Variants in EDDM13 observed in about 807,000 individuals in gnomAD.
EDDM13 encodes the protein epididymal protein 13.
In EDDM13, 24 loss-of-function variants were observed where a neutral mutation model predicts 17.8. That is an observed-to-expected ratio of 1.35 (90% confidence interval 0.98 to 1.90). EDDM13 has a LOEUF of 1.90. EDDM13 is among the 40% of genes most tolerant of loss of function. The pLI is 0.00. For synonymous variants in EDDM13, 31 were observed against 37.5 expected (o/e 0.83, Z 0.63); for missense variants, 97 against 100.8 (o/e 0.96, Z 0.16).
At chr19:56,279,886 CAA>C (rs2038554761) in intron 2 of EDDM13, among the ~76,000 whole-genome samples, 1 of 151,862 alleles carries the variant, frequency 6.6e-6, no homozygotes, top group African/African-American at 2.4e-5. Flanking sequence ...TTTCAATTAA[CAA>C]AACAGTATTT....
chr19:56,273,092 G>T (rs2037972075), intron 1 of EDDM13, among the ~76,000 whole-genome samples, 173 bp downstream of exon 1: 1 of 152,170 alleles, frequency 6.6e-6, no homozygotes. Context: ...AGTCTAGGTT[G>T]CTAGCCCCTG....
chr19:56,297,060 ACT>A (rs1202843831), intron 11 of EDDM13, among the ~76,000 whole-genome samples: 1 of 140,978 alleles, frequency 7.1e-6, no homozygotes, highest in African/African-American at 2.5e-5. Context: ...CAAGAGCAAA[ACT>A]CTGTCTCAAA....
intron 11 of EDDM13, among the ~76,000 whole-genome samples, chr19:56,296,862 C>T (rs575064094): frequency 2.6e-5 from 4 of 152,134 alleles, no homozygotes; most frequent in African/African-American, 7.2e-5. Flanking sequence ...GGTGAAACTC[C>T]GTCTCTACTA....
At chr19:56,291,330 C>T (rs368112050) in intron 9 of EDDM13, among the ~76,000 whole-genome samples, 3 of 152,146 alleles carry the variant, frequency 2.0e-5, no homozygotes, top group Non-Finnish European at 2.9e-5. Flanking sequence ...TGAATCCCCA[C>T]GGAAACTGAA....
At chr19:56,293,068 T>C (rs1406262121) in intron 9 of EDDM13, among the ~76,000 whole-genome samples, 1 of 152,148 alleles carries the variant, frequency 6.6e-6, no homozygotes, top group African/African-American at 2.4e-5. Flanking sequence ...CACCATCCTG[T>C]CCATGCCCCA....
In EDDM13 at chr19:56,282,562, T is replaced by C. The variant is rs892790413; in HGVS notation, c.118+63T>C. ...GTTTGCCTTTGTCCAAAAGGGATCA[T>C]TGCTGCTGAACTTCGACTTACGTTT... On this transcript the variant is annotated intron_variant, in intron 4 of 14. Coordinates refer to ENST00000649256, the MANE Select transcript of EDDM13 (RefSeq NM_001354658.2). The C allele has an allele frequency of 2.5e-5, 24 of 956,862 alleles. No individual in the cohort carries two copies. The African/African-American group carries it at 3.4e-4, about 13-fold the overall frequency. The allele number at this position is 956,862 out of a possible 1,614,324, so 59.3% of individuals were successfully genotyped here. A position where few individuals can be genotyped will look rare whatever the true frequency, so the allele number is the denominator to read the frequency against.
chr19:56,304,737 C>T, intron 13 of EDDM13, 56 bp from the exon 14 acceptor site: 1 of 976,524 alleles, frequency 1.0e-6, no homozygotes, highest in Non-Finnish European at 1.2e-6. Context: ...AAGGAATTCA[C>T]TCGCCTCACC....
At chr19:56,287,244 T>C (rs1397612795) in intron 6 of EDDM13, among the ~76,000 whole-genome samples, 1 of 152,200 alleles carries the variant, frequency 6.6e-6, no homozygotes. Context: ...GAAGTAGAAC[T>C]CTCCTCCGGG....
chr19:56,297,455 T>C (rs1288746424), intron 11 of EDDM13, 50 bp from the exon 12 acceptor site: 2 of 848,598 alleles, frequency 2.4e-6, no homozygotes, highest in Admixed American at 6.3e-5. Context: ...TCCTTTCCTC[T>C]TCCTCCTTCT....
intron 14 of EDDM13, among the ~76,000 whole-genome samples, chr19:56,309,352 G>A (rs957402900): frequency 6.6e-6 from 1 of 152,196 alleles, no homozygotes; most frequent in Non-Finnish European, 1.5e-5. Flanking sequence ...TTGGGTTGAT[G>A]AAAATGTTCC....
intron 12 of EDDM13, among the ~76,000 whole-genome samples, chr19:56,300,922 C>T (rs980817115): frequency 1.3e-4 from 20 of 152,230 alleles, no homozygotes; most frequent in South Asian, 8.3e-4. Flanking sequence ...GAAAGCGACA[C>T]GGTCGGATCT....
intron 14 of EDDM13, among the ~76,000 whole-genome samples, chr19:56,305,457 T>C (rs924040786): frequency 1.3e-5 from 2 of 152,214 alleles, no homozygotes; most frequent in Non-Finnish European, 2.9e-5. Context: ...GGCATGGACA[T>C]AGCACACTTT....
intron 1 of EDDM13, among the ~76,000 whole-genome samples, chr19:56,275,397 C>T (rs559204773): frequency 1.3e-5 from 2 of 152,146 alleles, no homozygotes; most frequent in East Asian, 3.9e-4. Flanking sequence ...TTTATTTATT[C>T]AAGTACTGTA....
intron 14 of EDDM13, among the ~76,000 whole-genome samples, chr19:56,308,543 C>T (rs1191203057): frequency 6.6e-6 from 1 of 151,998 alleles, no homozygotes; most frequent in African/African-American, 2.4e-5. Flanking sequence ...AGGCTGGTCT[C>T]GAACTCCTGA....
chr19:56,286,399 A>G (rs1389210345), intron 6 of EDDM13: 1 of 152,164 alleles, frequency 6.6e-6, no homozygotes, highest in Non-Finnish European at 1.5e-5. Flanking sequence ...GAACCCCAAC[A>G]GGTGTTCTTG....
intron 12 of EDDM13, among the ~76,000 whole-genome samples, chr19:56,301,650 C>G (rs971602380): frequency 6.6e-6 from 1 of 152,164 alleles, no homozygotes; most frequent in Admixed American, 6.5e-5. Context: ...TACCCAGCCC[C>G]TATTCAAGAC....
chr19:56,301,403 C>T lies in EDDM13; in HGVS notation c.296-565C>T, dbSNP rs34135137. On this transcript the variant is annotated intron_variant, in intron 12 of 14. Coordinates refer to ENST00000649256, the MANE Select transcript of EDDM13 (RefSeq NM_001354658.2). ...TGTGAACTGTCATGGTACTGGTGGG[C>T]GTGTCTCTTAGCCTGCTAATGCATT... 4.3e-3 allele frequency among the ~76,000 whole-genome samples: 647 copies of T among 152,020 alleles called. 2 individuals are homozygous for T. The highest frequency in any genetic ancestry group is 7.1e-3 in the Non-Finnish European group (485 of 67,984).
At chr19:56,302,525 CCTCCCT>C in intron 13 of EDDM13, among the ~76,000 whole-genome samples, 1 of 93,066 alleles carries the variant, frequency 1.1e-5, no homozygotes, top group East Asian at 2.5e-4. Context: ...TTCCTCCCTC[CCTCCCT>C]CTTCTTCCTC....
chr19:56,285,066 T>C, intron 6 of EDDM13, 42 bp downstream of exon 6: 1 of 971,330 alleles, frequency 1.0e-6, no homozygotes, highest in South Asian at 4.8e-5. Flanking sequence ...GTCTTTCTCT[T>C]GTCCGCAAGG....
Sources: allele counts gnomAD v4.1 joint callset (sites outside exome capture counted in the v4.1 genomes callset), GRCh38; gene constraint gnomAD v4.1.1; transcripts MANE v1.5; gene names NCBI Gene and HGNC (gene_info 2026-07-23, HGNC 2026-07-21).